CCSER1: variants seen among roughly 807,000 people sequenced by gnomAD.
CCSER1 encodes serine-rich coiled-coil domain-containing protein 1.
A neutral mutation model predicts 82.0 loss-of-function variants in CCSER1; 41 were observed. That is an observed-to-expected ratio of 0.50 (90% CI 0.39 to 0.65). The LOEUF is 0.65. Among genes scored for constraint, CCSER1 ranks in the 30% least tolerant of loss-of-function variants. CCSER1 has a pLI of 0.00. For missense variants in CCSER1, 1,119 were observed against 1,064.2 expected (o/e 1.05, Z -0.72); for synonymous variants, 414 against 383.9 (o/e 1.08, Z -0.92).
chr4:90,714,208 T>A (rs1741206428), intron 6 of CCSER1, among the ~76,000 whole-genome samples: 1 of 152,046 alleles, frequency 6.6e-6, no homozygotes, highest in Non-Finnish European at 1.5e-5. Context: ...GTGATTGTCT[T>A]TGAATAGTTG....
At position 90,605,211 on chromosome 4, in the gene CCSER1, C is replaced by T. The variant is rs144104580; in HGVS notation, c.1725-22814C>T. On this transcript the variant is annotated intron_variant, in intron 5 of 10. Coordinates refer to ENST00000509176, the MANE Select transcript of CCSER1 (RefSeq NM_001145065.2). ...TAGAAGTAACAAACTCCGGACATAGCATCTTTAAGAACGGTAACAGTCACC... is the reference window on the plus strand; with the variant it reads ...TAGAAGTAACAAACTCCGGACATAGTATCTTTAAGAACGGTAACAGTCACC... 8.0e-3 allele frequency among the ~76,000 whole-genome samples: 1,215 copies of T among 152,254 alleles called. 18 individuals are homozygous for T. Among genetic ancestry groups the T allele is most frequent in the African/African-American group, 0.027 (1,115 of 41,544 alleles).
intron 10 of CCSER1, among the ~76,000 whole-genome samples, chr4:91,561,842 T>G (rs1357981311): frequency 1.3e-5 from 2 of 151,506 alleles, no homozygotes; most frequent in Admixed American, 1.3e-4. Flanking sequence ...AAAGGAGCAC[T>G]CTTATGAACA....
intron 3 of CCSER1, among the ~76,000 whole-genome samples, chr4:90,349,077 A>C (rs1237980623): frequency 1.3e-5 from 2 of 152,154 alleles, no homozygotes; most frequent in Non-Finnish European, 2.9e-5. Flanking sequence ...AATGGAGGCC[A>C]AACTGTAAGG....
Position 90,611,059 on chromosome 4 carries a change from C to CTTTCTTTTT in CCSER1, c.1725-16963_1725-16962insCTTTTTTTT, listed in dbSNP as rs1785415973. Among the ~76,000 whole-genome samples the CTTTCTTTTT allele has an allele frequency of 2.1e-5, 2 of 93,822 alleles. 1 individual carries two copies. Among genetic ancestry groups the CTTTCTTTTT allele is most frequent in the East Asian group, 6.5e-4 (2 of 3,084 alleles). 61.6% of individuals were successfully genotyped at this position (93,822 alleles called of 152,430 possible). ...TGCCTGGCTAATTTTCTTTTCTTTT[C>CTTTCTTTTT]TTTTTTTTTTTTTTTTTTTTGTAGA... On this transcript the variant is annotated intron_variant, in intron 5 of 10. Coordinates refer to ENST00000509176, the MANE Select transcript of CCSER1 (RefSeq NM_001145065.2).
intron 3 of CCSER1, among the ~76,000 whole-genome samples, chr4:90,391,196 C>A (rs1441188821): frequency 6.9e-6 from 1 of 145,938 alleles, no homozygotes; most frequent in Non-Finnish European, 1.5e-5. Context: ...TCTCTTGAAC[C>A]TGGGAGGCGG....
At chr4:91,382,908 C>T (rs565850796) in intron 10 of CCSER1, among the ~76,000 whole-genome samples, 10 of 152,194 alleles carry the variant, frequency 6.6e-5, no homozygotes, top group Admixed American at 2.6e-4. Flanking sequence ...GCAACCACAG[C>T]CCTGATTAAG....
chr4:90,590,416 C>G (rs1782547892), intron 5 of CCSER1, among the ~76,000 whole-genome samples: 1 of 152,080 alleles, frequency 6.6e-6, no homozygotes, highest in South Asian at 2.1e-4. Context: ...CCCATTGCTA[C>G]TAAAAGTACA....
chr4:91,052,291 C>T (rs574238395), intron 9 of CCSER1, among the ~76,000 whole-genome samples: 5 of 151,974 alleles, frequency 3.3e-5, no homozygotes, highest in South Asian at 2.1e-4. Context: ...CTGAGTGCCT[C>T]GGATATCAGG....
chr4:90,798,824 C>T (rs1756386152), intron 7 of CCSER1, among the ~76,000 whole-genome samples: 1 of 152,158 alleles, frequency 6.6e-6, no homozygotes, highest in African/African-American at 2.4e-5. Context: ...ACTTTGTTCT[C>T]TTGGCTCCTT....
intron 8 of CCSER1, among the ~76,000 whole-genome samples, chr4:90,900,089 C>T (rs1226041598): frequency 9.9e-6 from 1 of 101,118 alleles, no homozygotes; most frequent in Admixed American, 9.0e-5. Context: ...CCCTCTGGTC[C>T]CAGAGTTTTT....
At chr4:90,453,473 G>A (rs1423090727) in intron 4 of CCSER1, among the ~76,000 whole-genome samples, 1 of 152,146 alleles carries the variant, frequency 6.6e-6, no homozygotes, top group African/African-American at 2.4e-5. Context: ...CTAACTTCTG[G>A]TTTCAGAGGA....
chr4:90,777,934 GATA>G (rs1034984666), intron 7 of CCSER1, among the ~76,000 whole-genome samples: 3 of 152,060 alleles, frequency 2.0e-5, no homozygotes, highest in Admixed American at 2.0e-4. Flanking sequence ...GGCTAGATTT[GATA>G]ATATGTTCAG....
intron 6 of CCSER1, among the ~76,000 whole-genome samples, chr4:90,720,914 A>C (rs1742562879): frequency 6.6e-6 from 1 of 152,016 alleles, no homozygotes; most frequent in Admixed American, 6.6e-5. Flanking sequence ...TAGTGACAGA[A>C]TATTGAGTGA....
At chr4:91,025,261 G>A (rs1367147422) in intron 9 of CCSER1, among the ~76,000 whole-genome samples, 2 of 152,138 alleles carry the variant, frequency 1.3e-5, no homozygotes, top group Non-Finnish European at 2.9e-5. Context: ...TTTAAAAGCA[G>A]TAAATATTCT....
intron 8 of CCSER1, chr4:90,918,430 C>T (rs1727843455): frequency 2.8e-6 from 1 of 358,416 alleles, no homozygotes; most frequent in Non-Finnish European, 5.4e-6. Flanking sequence ...GAGTAAAAGA[C>T]ATTAGATATC....
chr4:90,908,562 CTTAAA>C (rs1179296845), intron 8 of CCSER1, among the ~76,000 whole-genome samples: 1 of 151,988 alleles, frequency 6.6e-6, no homozygotes, highest in African/African-American at 2.4e-5. Context: ...ATATGTTATA[CTTAAA>C]TTAATATATC....
At position 90,312,546 on chromosome 4, in the gene CCSER1, G is replaced by C. The variant is rs77651386; in HGVS notation, c.1325-317G>C. ...AGCAAATATTGCAGTAACCAAGCCA[G>C]CATAGATTTGGTCCAGGGTCTTAGA... is the stretch of plus-strand genomic sequence containing the variant. On this transcript the variant is annotated intron_variant, in intron 2 of 10. Coordinates refer to ENST00000509176, the MANE Select transcript of CCSER1 (RefSeq NM_001145065.2). Among the ~76,000 whole-genome samples the C allele has an allele frequency of 3.3e-5, 5 of 152,232 alleles. No homozygotes were observed. In the South Asian group the frequency reaches 6.2e-4, roughly 19 times the overall value.
At chr4:90,463,771 C>A (rs548574902) in intron 4 of CCSER1, among the ~76,000 whole-genome samples, 81 of 151,958 alleles carry the variant, frequency 5.3e-4, no homozygotes, top group African/African-American at 1.9e-3. Flanking sequence ...ACAAGAATAT[C>A]AAAAACACAT....
intron 9 of CCSER1, among the ~76,000 whole-genome samples, chr4:90,962,046 A>G (rs977660849): frequency 6.6e-6 from 1 of 152,126 alleles, no homozygotes; most frequent in Admixed American, 6.6e-5. Context: ...GAGAATTCCC[A>G]TTTAATTCTC....
Sources: gnomAD v4.1 joint callset for allele counts (sites outside exome capture counted in the v4.1 genomes callset) on GRCh38, gnomAD v4.1.1 for gene constraint, MANE v1.5 for transcripts, NCBI Gene and HGNC (gene_info 2026-07-23, HGNC 2026-07-21) for gene names.